Variants in MORC1 observed in about 807,000 individuals in gnomAD.
MORC1 encodes MORC family CW-type zinc finger 1.
Under a neutral mutation model 134.9 loss-of-function variants are expected in MORC1, and 59 were observed. The ratio of observed to expected loss-of-function variants is 0.44; its 90% confidence interval spans 0.35 to 0.54. MORC1 has a LOEUF of 0.54. Ranked by LOEUF, MORC1 falls within the 20% of genes least tolerant of loss-of-function variation. The pLI is 0.00. For synonymous variants in MORC1, 395 were observed against 391.7 expected, an observed-to-expected ratio of 1.01 and a Z score of -0.10; for missense variants, 947 against 1,134.5, an observed-to-expected ratio of 0.83 and a Z score of 2.37.
intron 16 of MORC1, among the ~76,000 whole-genome samples, 168 bp downstream of exon 16, chr3:109,032,552 C>T (rs2305236): frequency 0.12 from 18,047 of 152,010 alleles, 1,138 homozygotes; most frequent in Non-Finnish European, 0.14. Context: ...TGGAAAAGCA[C>T]GCCAATGAAA....
Position 109,057,394 on chromosome 3 carries a change from C to T in MORC1, c.1124G>A (p.Arg375His), listed in dbSNP as rs750805337. 26 of 1,610,914 alleles carry T rather than the reference C, an allele frequency of 1.6e-5. No homozygotes were observed. Among genetic ancestry groups the T allele is most frequent in the Non-Finnish European group, 2.2e-5 (26 of 1,178,534 alleles). The change falls in exon 13 of 28, where the codon CGT becomes CAT. Residue 375 changes from arginine (R) to histidine (H), a missense_variant. This residue lies in a region of MORC1 where 722 missense variants were observed against 817.0 expected (regional missense o/e 0.88). Coordinates refer to ENST00000232603, the MANE Select transcript of MORC1 (RefSeq NM_014429.4). ...CACTTTTTCATGCATTTTGATCAAA[C>T]GGTTATTACTGTAAATGAACATTCC... The part of the protein sequence containing the change: ...QAGMFIYSNN[R>H]LIKMHEKVGS...
chr3:108,972,137 T>C (rs1947400490), intron 24 of MORC1, among the ~76,000 whole-genome samples: 1 of 152,220 alleles, frequency 6.6e-6, no homozygotes, highest in South Asian at 2.1e-4. Context: ...TGGCCATTGT[T>C]CTGACAGGTG....
chr3:109,079,420 A>G (rs1205825340), intron 8 of MORC1, among the ~76,000 whole-genome samples: 2 of 152,108 alleles, frequency 1.3e-5, no homozygotes, highest in South Asian at 4.1e-4. Context: ...GAATACAGCT[A>G]TTATGCAGAA....
chr3:109,100,616 C>G, intron 4 of MORC1, 109 bp from the exon 5 acceptor site: 1 of 818,710 alleles, frequency 1.2e-6, no homozygotes, highest in African/African-American at 1.7e-5. Context: ...AAACCCATAG[C>G]TCTTGGGTCA....
chr3:108,995,390 C>G (rs1377774868), intron 21 of MORC1, among the ~76,000 whole-genome samples: 1 of 152,148 alleles, frequency 6.6e-6, no homozygotes, highest in Non-Finnish European at 1.5e-5. Context: ...ATGCCTGAGA[C>G]AGAACACACT....
At chr3:108,986,361 G>A (rs1947892932) in intron 22 of MORC1, among the ~76,000 whole-genome samples, 1 of 152,080 alleles carries the variant, frequency 6.6e-6, no homozygotes, top group Non-Finnish European at 1.5e-5. Context: ...CTATCAGATG[G>A]AAACTTCATG....
intron 23 of MORC1, among the ~76,000 whole-genome samples, chr3:108,984,420 T>C (rs1947838777): frequency 6.6e-6 from 1 of 152,052 alleles, no homozygotes; most frequent in South Asian, 2.1e-4. Context: ...ACCTTATATA[T>C]GTGTGACATT....
chr3:109,072,211 CTT>C (rs1040664039), intron 8 of MORC1, among the ~76,000 whole-genome samples: 4 of 152,204 alleles, frequency 2.6e-5, no homozygotes, highest in African/African-American at 9.6e-5. Flanking sequence ...AGTCTCATCT[CTT>C]GTCTTCAGCC....
Position 109,035,396 on chromosome 3 carries a change from T to C in MORC1, c.1403A>G (p.Asn468Ser). Residue 468 changes from asparagine (N) to serine (S), a missense_variant, in exon 15 of 28, where the codon AAT (asparagine) becomes AGT (serine). Physicochemically the swap from Asn to Ser is conservative, Grantham distance 46. This residue lies in a region of MORC1 where 722 missense variants were observed against 817.0 expected (regional missense o/e 0.88). Transcript: ENST00000232603. ...TTGTCTTCTTTGATATTGAAAAGAA[T>C]TTAAAGGTTTCTCCACATCGATGTC... Reference protein sequence around the residue: ...QNDIDVEKPLNSFQYQRRQAM... With the variant: ...QNDIDVEKPLSSFQYQRRQAM... The C allele has an allele frequency of 6.4e-7, 1 of 1,568,296 alleles. No homozygotes were observed. Among genetic ancestry groups the C allele is most frequent in the Non-Finnish European group, 8.7e-7 (1 of 1,148,642 alleles).
chr3:108,964,250 G>A (rs1333625089), intron 26 of MORC1, among the ~76,000 whole-genome samples: 8 of 152,192 alleles, frequency 5.3e-5, no homozygotes, highest in Admixed American at 2.0e-4. Flanking sequence ...GCAGAAAGAG[G>A]TAATGGAGAG....
chr3:108,966,689 G>C (rs969871301), intron 26 of MORC1, among the ~76,000 whole-genome samples: 7 of 152,274 alleles, frequency 4.6e-5, no homozygotes, highest in African/African-American at 1.4e-4. Context: ...GAAAAACTGA[G>C]AGTCTTCATA....
At chr3:109,104,403 C>T (rs934685553) in intron 3 of MORC1, among the ~76,000 whole-genome samples, 1 of 152,132 alleles carries the variant, frequency 6.6e-6, no homozygotes, top group African/African-American at 2.4e-5. Flanking sequence ...GTGAGTGCAT[C>T]TTCATGGGAG....
chr3:108,962,713 T>G (rs2107351235), intron 27 of MORC1, among the ~76,000 whole-genome samples: 1 of 152,324 alleles, frequency 6.6e-6, no homozygotes, highest in Admixed American at 6.5e-5. Flanking sequence ...ACATATATTT[T>G]CAGTTTTGTT....
chr3:109,095,209 T>A (rs554456509), intron 6 of MORC1, 141 bp from the exon 7 acceptor site: 5 of 741,668 alleles, frequency 6.7e-6, no homozygotes, highest in Non-Finnish European at 8.5e-6. Context: ...TATAATCTAG[T>A]TGTATAAGAG....
At chr3:109,083,939 T>C (rs561659953) in intron 8 of MORC1, among the ~76,000 whole-genome samples, 1 of 152,012 alleles carries the variant, frequency 6.6e-6, no homozygotes, top group Non-Finnish European at 1.5e-5. Context: ...TGATGAAAAA[T>C]CATTCAAGAA....
chr3:109,024,776 C>T (rs1949035947), intron 17 of MORC1, among the ~76,000 whole-genome samples: 1 of 152,190 alleles, frequency 6.6e-6, no homozygotes, highest in Admixed American at 6.5e-5. Flanking sequence ...AATAGACATA[C>T]AGTGAATCAT....
intron 14 of MORC1, among the ~76,000 whole-genome samples, chr3:109,047,296 G>A (rs1022273913): frequency 3.3e-5 from 5 of 152,080 alleles, no homozygotes; most frequent in African/African-American, 1.2e-4. Context: ...GTATGGCAGG[G>A]AAAAATCAAA....
chr3:109,026,864 G>C (rs760576836), intron 17 of MORC1, among the ~76,000 whole-genome samples: 23 of 152,096 alleles, frequency 1.5e-4, no homozygotes, highest in Admixed American at 1.3e-3. Context: ...AAGACTCCAG[G>C]GTAAAAAGGA....
Position 109,005,323 on chromosome 3 carries a change from A to T in MORC1, c.1768-8T>A, listed in dbSNP as rs773112734. 1 of 1,575,848 alleles carries T rather than the reference A, an allele frequency of 6.3e-7. No homozygotes were observed. Among genetic ancestry groups the T allele is most frequent in the East Asian group, 2.2e-5 (1 of 44,642 alleles). ...CTGGGTTTTGGTATTTTCCTTAAAT[A>T]ACAAAGAACATGTTTTTATTTTTTG... On this transcript the variant is annotated splice_polypyrimidine_tract_variant and splice_region_variant and intron_variant, in intron 18 of 27. Transcript: ENST00000232603.
Sources: allele counts gnomAD v4.1 joint callset (sites outside exome capture counted in the v4.1 genomes callset), GRCh38; gene constraint gnomAD v4.1.1; regional missense constraint gnomAD v4.1.1; transcripts MANE v1.5; gene names NCBI Gene and HGNC (gene_info 2026-07-23, HGNC 2026-07-21).